The following UNC5D variants were observed in gnomAD, a reference collection of about 807,000 sequenced individuals.
The protein encoded by UNC5D is unc-5 netrin receptor D.
In UNC5D, 39 loss-of-function variants were observed where a neutral mutation model predicts 105.4. That is an observed-to-expected ratio of 0.37 (90% confidence interval 0.29 to 0.48). The LOEUF is 0.48. Ranked by LOEUF, UNC5D falls within the 20% of genes least tolerant of loss-of-function variation. The pLI is 0.98. For missense variants in UNC5D, 991 were observed against 1,202.4 expected, an observed-to-expected ratio of 0.82 and a Z score of 2.60; for synonymous variants, 452 against 450.4, an observed-to-expected ratio of 1.00 and a Z score of -0.04.
chr8:35,546,639 A>C (rs1815703662), intron 1 of UNC5D, among the ~76,000 whole-genome samples: 1 of 152,188 alleles, frequency 6.6e-6, no homozygotes, highest in African/African-American at 2.4e-5. Context: ...TGCTCATATA[A>C]AATCTTTTAA....
chr8:35,450,537 GAC>G (rs1215869418), intron 1 of UNC5D, among the ~76,000 whole-genome samples: 2 of 152,070 alleles, frequency 1.3e-5, no homozygotes, highest in Non-Finnish European at 2.9e-5. Flanking sequence ...TTGCATCTAT[GAC>G]ACAGGTATTA....
intron 1 of UNC5D, among the ~76,000 whole-genome samples, chr8:35,365,009 G>A (rs1340432626): frequency 6.6e-6 from 1 of 152,046 alleles, no homozygotes; most frequent in Non-Finnish European, 1.5e-5. Flanking sequence ...ATCATGCTAT[G>A]CATTTATAAT....
intron 1 of UNC5D, among the ~76,000 whole-genome samples, chr8:35,271,815 C>T (rs1253341800): frequency 6.6e-6 from 1 of 151,056 alleles, no homozygotes; most frequent in Non-Finnish European, 1.5e-5. Flanking sequence ...ATTTGCTGGC[C>T]GTTGCTATAG....
intron 1 of UNC5D, among the ~76,000 whole-genome samples, chr8:35,468,985 A>G (rs926795290): frequency 3.3e-5 from 5 of 152,182 alleles, no homozygotes; most frequent in African/African-American, 1.2e-4. Flanking sequence ...GCCTCTGCAG[A>G]GAGAAAATAA....
At chr8:35,510,640 G>A (rs1812642612) in intron 1 of UNC5D, among the ~76,000 whole-genome samples, 1 of 152,140 alleles carries the variant, frequency 6.6e-6, no homozygotes, top group Non-Finnish European at 1.5e-5. Flanking sequence ...GCACTGGGAA[G>A]CTCAGTACAA....
At chr8:35,730,947 C>G (rs140976207) in intron 10 of UNC5D, 65 bp from the exon 11 acceptor site, 1 of 1,473,480 alleles carries the variant, frequency 6.8e-7, no homozygotes, top group Non-Finnish European at 9.4e-7. Context: ...GTAAGGTGCT[C>G]GAGTGACAAA....
chr8:35,277,826 A>G (rs1295050468), intron 1 of UNC5D, among the ~76,000 whole-genome samples: 1 of 152,138 alleles, frequency 6.6e-6, no homozygotes, highest in Non-Finnish European at 1.5e-5. Flanking sequence ...TTGCTTATGT[A>G]TGGGGGAATA....
chr8:35,345,012 G>T (rs1811705418), intron 1 of UNC5D, among the ~76,000 whole-genome samples: 1 of 151,980 alleles, frequency 6.6e-6, no homozygotes, highest in South Asian at 2.1e-4. Context: ...TAATGGGTTT[G>T]CTGTAGTAAA....
intron 1 of UNC5D, among the ~76,000 whole-genome samples, chr8:35,365,676 A>G (rs1802077186): frequency 6.6e-6 from 1 of 151,752 alleles, no homozygotes; most frequent in Non-Finnish European, 1.5e-5. Context: ...TGTAAGCTAA[A>G]GATGGCAGGT....
intron 1 of UNC5D, among the ~76,000 whole-genome samples, chr8:35,351,053 A>AGT (rs776204761): frequency 1.3e-5 from 2 of 152,000 alleles, no homozygotes; most frequent in Admixed American, 6.6e-5. Flanking sequence ...CAAACAGTTG[A>AGT]GTGTGTGTGT....
intron 1 of UNC5D, among the ~76,000 whole-genome samples, chr8:35,310,908 A>T (rs1808827789): frequency 6.6e-6 from 1 of 152,208 alleles, no homozygotes; most frequent in Non-Finnish European, 1.5e-5. Flanking sequence ...CATATGATGG[A>T]TAAATAGGTA....
intron 4 of UNC5D, among the ~76,000 whole-genome samples, chr8:35,682,909 A>G (rs2131336328): frequency 6.6e-6 from 1 of 152,312 alleles, no homozygotes; most frequent in East Asian, 1.9e-4. Context: ...TGTGTCAGCT[A>G]CCTAACCCAA....
At chr8:35,459,733 C>G (rs952806478) in intron 1 of UNC5D, among the ~76,000 whole-genome samples, 4 of 152,176 alleles carry the variant, frequency 2.6e-5, no homozygotes, top group African/African-American at 9.7e-5. Context: ...GTGGAGTCAA[C>G]TTGTATTGTC....
chr8:35,323,665 A>G, intron 1 of UNC5D, among the ~76,000 whole-genome samples: 1 of 152,182 alleles, frequency 6.6e-6, no homozygotes, highest in Non-Finnish European at 1.5e-5. Context: ...CCTTAAAACA[A>G]CCATATGGGG....
chr8:35,281,912 G>A (rs1352620797), intron 1 of UNC5D, among the ~76,000 whole-genome samples: 1 of 151,982 alleles, frequency 6.6e-6, no homozygotes, highest in South Asian at 2.1e-4. Context: ...TCTGTGTATG[G>A]GTTACTTTTA....
intron 1 of UNC5D, among the ~76,000 whole-genome samples, chr8:35,376,069 A>G (rs1190582566): frequency 6.6e-6 from 1 of 152,162 alleles, no homozygotes. Context: ...TACATACAAA[A>G]TCTTACCACT....
chr8:35,374,858 T>C (rs947336949), intron 1 of UNC5D, among the ~76,000 whole-genome samples: 8 of 152,226 alleles, frequency 5.3e-5, no homozygotes, highest in Non-Finnish European at 8.8e-5. Flanking sequence ...TCTTTGGGGC[T>C]CTACTTTAAT....
chr8:35,353,793 G>A (rs1338098375), intron 1 of UNC5D, among the ~76,000 whole-genome samples: 2 of 152,034 alleles, frequency 1.3e-5, no homozygotes, highest in Non-Finnish European at 2.9e-5. Flanking sequence ...TGTAGAAAAG[G>A]GGACAGTTAC....
intron 1 of UNC5D, among the ~76,000 whole-genome samples, chr8:35,534,374 A>G (rs1814674042): frequency 6.6e-6 from 1 of 152,026 alleles, no homozygotes; most frequent in East Asian, 1.9e-4. Context: ...ATATGTGGGT[A>G]CTAAGTGTGC....
Sources: gnomAD v4.1 joint callset for allele counts (sites outside exome capture counted in the v4.1 genomes callset) on GRCh38, gnomAD v4.1.1 for gene constraint, MANE v1.5 for transcripts, NCBI Gene and HGNC (gene_info 2026-07-23, HGNC 2026-07-21) for gene names.